Variants in DNAH8 observed in about 807,000 individuals in gnomAD.
The protein encoded by DNAH8 is dynein axonemal heavy chain 8.
A neutral mutation model predicts 562.1 loss-of-function variants in DNAH8; 382 were observed. The ratio of observed to expected loss-of-function variants is 0.68; its 90% CI spans 0.63 to 0.74. The LOEUF (loss-of-function observed/expected upper bound fraction) is 0.74. DNAH8 is among the 30% of genes least tolerant of loss of function. The probability of loss-of-function intolerance (pLI) is 0.00; values close to 1 mark genes in which losing one functional copy is unlikely to be tolerated. For missense variants in DNAH8, 5,203 were observed against 5,620.4 expected (o/e 0.93, Z 2.37); for synonymous variants, 1,881 against 1,919.4 (o/e 0.98, Z 0.52).
At chr6:39,019,649 A>G (rs1317655862) in intron 91 of DNAH8, among the ~76,000 whole-genome samples, 1 of 152,178 alleles carries the variant, frequency 6.6e-6, no homozygotes, top group Non-Finnish European at 1.5e-5. Flanking sequence ...GATGAAAAGG[A>G]TGGATCTGAA....
Position 38,870,522 on chromosome 6 carries a change from G to T in DNAH8, c.6950G>T (p.Gly2317Val), listed in dbSNP as rs1307310167. ...NAVAHQVQIE[G>V]LINHPPWNLK... ...GTAGCCCATCAGGTTCAGATAGAGGGTTTGATTAACCATCCACCCTGGAAC... is the reference window on the plus strand; with the variant it reads ...GTAGCCCATCAGGTTCAGATAGAGGTTTTGATTAACCATCCACCCTGGAAC... The change falls in exon 49 of 93, where the codon GGT becomes GTT. Residue 2317 changes from glycine (G) to valine (V), a missense_variant. By Grantham distance (109) the Gly-to-Val change is moderately radical (BLOSUM62 -3). Coordinates refer to ENST00000327475, the MANE Select transcript of DNAH8 (RefSeq NM_001206927.2). 6.2e-7 allele frequency: 1 copy of T among 1,614,022 alleles called. No homozygotes were observed. The highest frequency in any genetic ancestry group is 1.7e-5 in the Admixed American group (1 of 60,022).
At chr6:38,888,040 C>T (rs980992093) in intron 57 of DNAH8, among the ~76,000 whole-genome samples, 4 of 151,796 alleles carry the variant, frequency 2.6e-5, no homozygotes, top group Admixed American at 2.6e-4. Flanking sequence ...GGTTTCACCA[C>T]ATTGACAGGG....
intron 1 of DNAH8, among the ~76,000 whole-genome samples, chr6:38,719,055 T>G (rs562893871): frequency 2.0e-5 from 3 of 152,338 alleles, no homozygotes; most frequent in Non-Finnish European, 4.4e-5. Flanking sequence ...TTTAAATTCC[T>G]TTTTCAGCAG....
At chr6:38,935,790 G>A in intron 77 of DNAH8, 93 bp downstream of exon 77, 1 of 890,854 alleles carries the variant, frequency 1.1e-6, no homozygotes, top group Non-Finnish European at 1.7e-6. Context: ...TAGATGTTAG[G>A]AAATACTCAT....
intron 17 of DNAH8, among the ~76,000 whole-genome samples, chr6:38,784,220 T>G (rs990984083): frequency 6.6e-5 from 10 of 152,204 alleles, no homozygotes; most frequent in Non-Finnish European, 1.2e-4. Context: ...AAAGAAAGCC[T>G]GTTTATGGAG....
Position 38,823,658 on chromosome 6 carries a change from A to C in DNAH8, c.3817A>C (p.Ile1273Leu). Reference sequence around the variant, plus strand: ...GGAGATTGATGAGTTGAAGCCTATTATTGTTGTAGGAGCACTTGAATTACA... The same window carrying C: ...GGAGATTGATGAGTTGAAGCCTATTCTTGTTGTAGGAGCACTTGAATTACA... ...EQEIDELKPIIVVGALELHTE... is the reference protein window; with the variant it reads ...EQEIDELKPILVVGALELHTE... The change falls in exon 28 of 93, where the codon ATT becomes CTT. Residue 1273 changes from isoleucine (I) to leucine (L), a missense_variant. Ile to Leu is a conservative substitution (Grantham distance 5). This residue lies in a region of DNAH8 where 2,176 missense variants were observed against 2,365.1 expected (regional missense o/e 0.92). Transcript: ENST00000327475. 6.2e-7 allele frequency: 1 copy of C among 1,603,706 alleles called. No individual in the cohort carries two copies. Among genetic ancestry groups the C allele is most frequent in the Non-Finnish European group, 8.5e-7 (1 of 1,171,312 alleles).
Position 39,030,591 on chromosome 6 carries a change from G to T in DNAH8, c.*199G>T. 2 of 514,810 alleles carry T rather than the reference G, an allele frequency of 3.9e-6. No homozygotes were observed. The highest frequency in any genetic ancestry group is 6.2e-5 in the South Asian group (2 of 32,344). The allele number at this position is 514,810 out of a possible 1,614,324, so 31.9% of individuals were successfully genotyped here. A position where few individuals can be genotyped will look rare whatever the true frequency, so the allele number is the denominator to read the frequency against. On this transcript the variant is annotated 3_prime_UTR_variant, in exon 93 of 93. Coordinates refer to ENST00000327475, the MANE Select transcript of DNAH8 (RefSeq NM_001206927.2). ...TTCAAAAAGATAACTCTAAATGAAT[G>T]TTTTTTATTCTGGGAAATCATATTT...
At chr6:38,786,413 C>G (rs943814073) in intron 17 of DNAH8, among the ~76,000 whole-genome samples, 3 of 152,166 alleles carry the variant, frequency 2.0e-5, no homozygotes, top group African/African-American at 7.2e-5. Flanking sequence ...GTGATTCTAA[C>G]CATCTTCTGG....
intron 53 of DNAH8, among the ~76,000 whole-genome samples, chr6:38,880,123 C>T (rs4571559): frequency 0.43 from 65,872 of 151,794 alleles, 15,205 homozygotes; most frequent in East Asian, 0.84. Flanking sequence ...GGTATATGCC[C>T]GTAAGCACAG....
At position 38,750,648 on chromosome 6, in the gene DNAH8, C is replaced by G. The variant is rs1765360529; in HGVS notation, c.1407+59C>G. 6.5e-6 allele frequency: 7 copies of G among 1,074,360 alleles called. No individual in the cohort carries two copies. In the Admixed American group the frequency reaches 9.5e-5, roughly 15 times the overall value. 66.6% of individuals were successfully genotyped at this position (1,074,360 alleles called of 1,614,324 possible). A position where few individuals can be genotyped will look rare whatever the true frequency, so the allele number is the denominator to read the frequency against. On this transcript the variant is annotated intron_variant, in intron 9 of 92. Transcript: ENST00000327475. ...AGGGCAGTGGCTCGCATCTGTGATT[C>G]TAGCTACTCAGAAGGCTGAGGTGGA...
intron 8 of DNAH8, among the ~76,000 whole-genome samples, chr6:38,749,250 T>C (rs944849366): frequency 1.3e-5 from 2 of 152,060 alleles, no homozygotes; most frequent in African/African-American, 4.8e-5. Context: ...GAAGCCATCA[T>C]CCTCAGCAAA....
chr6:38,719,176 A>G (rs1762559512), intron 1 of DNAH8, among the ~76,000 whole-genome samples: 2 of 152,198 alleles, frequency 1.3e-5, no homozygotes, highest in South Asian at 4.1e-4. Context: ...CAAGACATCT[A>G]GGGGGTGCTA....
chr6:38,750,075 G>T (rs1488897051), intron 8 of DNAH8, among the ~76,000 whole-genome samples: 1 of 152,246 alleles, frequency 6.6e-6, no homozygotes, highest in African/African-American at 2.4e-5. Context: ...CTTGTGATCC[G>T]CCCACCTTGG....
At chr6:38,980,073 G>C (rs1041006962) in intron 85 of DNAH8, among the ~76,000 whole-genome samples, 1 of 151,788 alleles carries the variant, frequency 6.6e-6, no homozygotes, top group Non-Finnish European at 1.5e-5. Flanking sequence ...ATCTGGAAGA[G>C]GCTCACCTCA....
intron 39 of DNAH8, among the ~76,000 whole-genome samples, chr6:38,851,883 A>G (rs965224180): frequency 1.3e-5 from 2 of 152,216 alleles, no homozygotes; most frequent in African/African-American, 4.8e-5. Context: ...TGACTATGCC[A>G]TTCCTAGCTG....
In DNAH8 at chr6:38,722,952, C is replaced by G. The variant is rs188635757; in HGVS notation, c.143C>G (p.Ser48Cys). ...GAGGCCCCGGCAGAAGATGGTTTCT[C>G]TCCTTCCGCAGAAGATGCTGTTTCT... is the stretch of plus-strand genomic sequence containing the variant. ...TVEAPAEDGF[S>C]PSAEDAVSSV... Residue 48 changes from serine (S) to cysteine (C), a missense_variant, in exon 2 of 93, where the codon TCT (serine) becomes TGT (cysteine). Physicochemically the swap from Ser to Cys is moderately radical, Grantham distance 112. Coordinates refer to ENST00000327475, the MANE Select transcript of DNAH8 (RefSeq NM_001206927.2). 4.3e-6 allele frequency: 7 copies of G among 1,612,716 alleles called. No individual in the cohort carries two copies. The highest frequency in any genetic ancestry group is 2.7e-5 in the African/African-American group (2 of 75,052).
At position 38,847,259 on chromosome 6, in the gene DNAH8, G is replaced by A. The variant is rs116739593; in HGVS notation, c.5046-1389G>A. Among the ~76,000 whole-genome samples, 882 of 152,044 alleles carry A rather than the reference G, an allele frequency of 5.8e-3. 5 individuals carry two copies. Among genetic ancestry groups the A allele is most frequent in the African/African-American group, 0.02 (836 of 41,452 alleles). On this transcript the variant is annotated intron_variant, in intron 36 of 92. Coordinates refer to ENST00000327475, the MANE Select transcript of DNAH8 (RefSeq NM_001206927.2). Reference sequence around the variant, plus strand: ...CAAAGGACAGAAACTAGCTATGCTCGATTTTATTTCAGATCTCCCTTTTCC... The same window carrying A: ...CAAAGGACAGAAACTAGCTATGCTCAATTTTATTTCAGATCTCCCTTTTCC...
intron 91 of DNAH8, among the ~76,000 whole-genome samples, chr6:39,021,551 G>A (rs1225818480): frequency 6.6e-6 from 1 of 152,222 alleles, no homozygotes; most frequent in Non-Finnish European, 1.5e-5. Flanking sequence ...GGTGCTTGGT[G>A]CATTTTTATT....
chr6:38,796,624 A>G (rs1770273670), intron 21 of DNAH8, among the ~76,000 whole-genome samples: 1 of 152,188 alleles, frequency 6.6e-6, no homozygotes, highest in Non-Finnish European at 1.5e-5. Context: ...TGTATGGAAA[A>G]GCATTGTGAA....
Sources: gnomAD v4.1 joint callset for allele counts (sites outside exome capture counted in the v4.1 genomes callset) on GRCh38, gnomAD v4.1.1 for gene constraint, gnomAD v4.1.1 regional missense constraint, MANE v1.5 for transcripts, NCBI Gene and HGNC (gene_info 2026-07-23, HGNC 2026-07-21) for gene names.